The following SGF29 variants were observed in gnomAD, a reference collection of about 807,000 sequenced individuals.
SGF29 encodes the protein SAGA complex associated factor 29.
A neutral mutation model predicts 38.1 loss-of-function variants in SGF29; 15 were observed. The observed-to-expected ratio is 0.39, with a 90% CI of 0.26 to 0.61. SGF29 has a LOEUF of 0.61. SGF29 is among the 20% of genes least tolerant of loss of function. The pLI, the probability that SGF29 is intolerant of heterozygous loss-of-function variation, is 0.49. For synonymous variants in SGF29, 151 were observed against 160.8 expected, an observed-to-expected ratio of 0.94 and a Z score of 0.46; for missense variants, 184 against 394.6, an observed-to-expected ratio of 0.47 and a Z score of 4.52.
At chr16:28,581,454 C>T (rs1236442533) in intron 2 of SGF29, among the ~76,000 whole-genome samples, 5 of 152,148 alleles carry the variant, frequency 3.3e-5, no homozygotes, top group Non-Finnish European at 5.9e-5. Flanking sequence ...ACCATTAGCA[C>T]GATCAATTTC....
intron 2 of SGF29, among the ~76,000 whole-genome samples, chr16:28,584,649 C>T (rs941174937): frequency 2.0e-5 from 3 of 152,028 alleles, no homozygotes; most frequent in African/African-American, 4.8e-5. Flanking sequence ...ATTAACCAGG[C>T]GTGGTGGCGG....
At chr16:28,571,008 G>C (rs1331631253) in intron 1 of SGF29, among the ~76,000 whole-genome samples, 1 of 152,094 alleles carries the variant, frequency 6.6e-6, no homozygotes, top group Non-Finnish European at 1.5e-5. Flanking sequence ...CATGACTTTT[G>C]GGGGTTCAGG....
chr16:28,579,557 T>C (rs553963460), intron 1 of SGF29, among the ~76,000 whole-genome samples: 1 of 150,958 alleles, frequency 6.6e-6, no homozygotes, highest in African/African-American at 2.4e-5. Context: ...CGCCCGGCCC[T>C]AATTATCTTT....
chr16:28,578,615 G>A (rs2046907984), intron 1 of SGF29, among the ~76,000 whole-genome samples: 1 of 151,836 alleles, frequency 6.6e-6, no homozygotes. Flanking sequence ...TTAAGTGGGG[G>A]GAAGAGTTTA....
chr16:28,576,191 G>C (rs2046892270), intron 1 of SGF29, among the ~76,000 whole-genome samples: 1 of 152,056 alleles, frequency 6.6e-6, no homozygotes, highest in South Asian at 2.1e-4. Flanking sequence ...AATTCTCATA[G>C]ATATGTACCC....
chr16:28,557,191 A>G (rs148590426), intron 1 of SGF29, among the ~76,000 whole-genome samples: 105 of 152,234 alleles, frequency 6.9e-4, no homozygotes, highest in African/African-American at 2.4e-3. Flanking sequence ...TCTACCCTGC[A>G]GCCTTTGTCC....
intron 1 of SGF29, among the ~76,000 whole-genome samples, chr16:28,566,157 C>A (rs1386551480): frequency 6.6e-6 from 1 of 151,752 alleles, no homozygotes; most frequent in Non-Finnish European, 1.5e-5. Flanking sequence ...GCCTGTAGTC[C>A]CAGCTACTCA....
intron 1 of SGF29, among the ~76,000 whole-genome samples, chr16:28,575,900 T>C (rs559390843): frequency 1.3e-5 from 2 of 152,174 alleles, no homozygotes; most frequent in Non-Finnish European, 2.9e-5. Flanking sequence ...ATCCCAGCAT[T>C]TTGGGAGGCC....
In SGF29 at chr16:28,568,576, C is replaced by G. The variant is rs189617397; in HGVS notation, c.-15-12479C>G. Among the ~76,000 whole-genome samples, 290 of 134,006 alleles carry G rather than the reference C, an allele frequency of 2.2e-3. 3 individuals are homozygous for G. The highest frequency in any genetic ancestry group is 0.011 in the Middle Eastern group (3 of 274). 87.9% of individuals were successfully genotyped at this position (134,006 alleles called of 152,430 possible). A position where few individuals can be genotyped will look rare whatever the true frequency, so the allele number is the denominator to read the frequency against. ...TGTTGCATCTCATTGCTTCTCTGGG[C>G]TTGATAATTAAGGGGTGGTTGGGGG... On this transcript the variant is annotated intron_variant, in intron 1 of 9. Transcript: ENST00000317058.
chr16:28,583,062 C>T (rs925132068), intron 2 of SGF29, among the ~76,000 whole-genome samples: 1 of 152,254 alleles, frequency 6.6e-6, no homozygotes, highest in African/African-American at 2.4e-5. Context: ...CTGCCGAGTT[C>T]CCAGACTCCC....
intron 3 of SGF29, 173 bp from the exon 4 acceptor site, chr16:28,585,475 G>A: frequency 1.6e-6 from 1 of 636,790 alleles, no homozygotes; most frequent in East Asian, 2.7e-5. Flanking sequence ...TGGAAATGCG[G>A]ACTCATGGAG....
chr16:28,585,082 A>G (rs2046949270), intron 3 of SGF29, 94 bp downstream of exon 3: 3 of 965,518 alleles, frequency 3.1e-6, no homozygotes, highest in Non-Finnish European at 4.8e-6. Context: ...TATTCAAAAT[A>G]GATTTGCATG....
chr16:28,558,475 T>A (rs1488787074), intron 1 of SGF29, among the ~76,000 whole-genome samples: 1 of 151,998 alleles, frequency 6.6e-6, no homozygotes, highest in Non-Finnish European at 1.5e-5. Context: ...ACAAGTCTGG[T>A]CTCAAACTCC....
intron 1 of SGF29, among the ~76,000 whole-genome samples, chr16:28,560,115 A>C (rs1366064095): frequency 1.3e-5 from 2 of 151,732 alleles, no homozygotes; most frequent in African/African-American, 4.8e-5. Context: ...GGTGGTACAC[A>C]GGAGGCTCAG....
chr16:28,575,885 G>A (rs1396597667), intron 1 of SGF29, among the ~76,000 whole-genome samples: 9 of 151,424 alleles, frequency 5.9e-5, no homozygotes, highest in African/African-American at 2.2e-4. Flanking sequence ...TGGCTCACAC[G>A]TGTAATCCCA....
chr16:28,584,232 C>T (rs1359696755), intron 2 of SGF29, among the ~76,000 whole-genome samples: 2 of 151,616 alleles, frequency 1.3e-5, no homozygotes. Context: ...CTCAAGTGAT[C>T]TGCCCACTTT....
chr16:28,589,043 G>T (rs569810281), intron 4 of SGF29, 57 bp from the exon 5 acceptor site: 3 of 1,587,126 alleles, frequency 1.9e-6, no homozygotes, highest in Non-Finnish European at 8.6e-7. Context: ...AAATGGAAGA[G>T]AAGTCTATGC....
At chr16:28,566,919 C>A (rs2046838931) in intron 1 of SGF29, among the ~76,000 whole-genome samples, 1 of 152,128 alleles carries the variant, frequency 6.6e-6, no homozygotes, top group African/African-American at 2.4e-5. Flanking sequence ...ATCTATCTGC[C>A]TTGGCCTCCC....
At chr16:28,558,820 A>G (rs188352009) in intron 1 of SGF29, among the ~76,000 whole-genome samples, 73 of 152,344 alleles carry the variant, frequency 4.8e-4, no homozygotes, top group African/African-American at 1.7e-3. Context: ...GTACAATTCT[A>G]TTTATATGAA....
Sources: gnomAD v4.1 joint callset for allele counts (sites outside exome capture counted in the v4.1 genomes callset) on GRCh38, gnomAD v4.1.1 for gene constraint, MANE v1.5 for transcripts, NCBI Gene and HGNC (gene_info 2026-07-23, HGNC 2026-07-21) for gene names.